Variants in KCNT2 observed in about 807,000 individuals in gnomAD.
KCNT2 encodes the protein potassium channel subfamily T member 2.
KCNT2 carries 67 observed loss-of-function variants against 153.8 expected under a neutral mutation model. That is an observed-to-expected ratio of 0.44 (90% confidence interval 0.36 to 0.53). The LOEUF (loss-of-function observed/expected upper bound fraction) is 0.53, where lower values mean the gene tolerates loss of function less well. Ranked by LOEUF, KCNT2 falls within the 20% of genes least tolerant of loss-of-function variation. KCNT2 has a pLI of 0.00. For synonymous variants in KCNT2, 500 were observed against 458.8 expected (o/e 1.09, Z -1.15); for missense variants, 975 against 1,354.8 (o/e 0.72, Z 4.40).
chr1:196,325,152 GT>G (rs1289723329), intron 19 of KCNT2, among the ~76,000 whole-genome samples: 1 of 152,054 alleles, frequency 6.6e-6, no homozygotes, highest in African/African-American at 2.4e-5. Flanking sequence ...TGGTAGGGAG[GT>G]TTACACATCA....
At chr1:196,245,838 CCT>C (rs1339201188) in intron 26 of KCNT2, among the ~76,000 whole-genome samples, 1 of 152,038 alleles carries the variant, frequency 6.6e-6, no homozygotes, top group Non-Finnish European at 1.5e-5. Context: ...ATGAAGCATG[CCT>C]ACAGAATCTA....
chr1:196,414,523 T>C (rs1361284179), intron 12 of KCNT2, among the ~76,000 whole-genome samples: 3 of 151,892 alleles, frequency 2.0e-5, no homozygotes, highest in African/African-American at 4.8e-5. Flanking sequence ...GTAATTGACC[T>C]GATATTTTGT....
At chr1:196,429,976 A>G (rs1347486420) in intron 8 of KCNT2, among the ~76,000 whole-genome samples, 1 of 152,138 alleles carries the variant, frequency 6.6e-6, no homozygotes, top group East Asian at 1.9e-4. Flanking sequence ...AGTGGTAGCT[A>G]AAATATCACA....
intron 13 of KCNT2, among the ~76,000 whole-genome samples, chr1:196,394,135 A>T (rs1368250463): frequency 6.6e-6 from 1 of 151,570 alleles, no homozygotes; most frequent in Non-Finnish European, 1.5e-5. Context: ...GTGAGAGGGT[A>T]TTGGAATTTG....
intron 14 of KCNT2, among the ~76,000 whole-genome samples, chr1:196,355,106 T>C (rs115944391): frequency 0.011 from 1,713 of 151,590 alleles, 14 homozygotes; most frequent in Non-Finnish European, 0.018. Context: ...AGCTAACACA[T>C]AACTATGTAT....
At chr1:196,413,705 C>A (rs563582595) in intron 12 of KCNT2, among the ~76,000 whole-genome samples, 20 of 151,662 alleles carry the variant, frequency 1.3e-4, no homozygotes, top group African/African-American at 2.7e-4. Context: ...TAATTTTGGC[C>A]ATTCACAGAA....
At chr1:196,251,005 C>G (rs543562373) in intron 26 of KCNT2, among the ~76,000 whole-genome samples, 1 of 152,182 alleles carries the variant, frequency 6.6e-6, no homozygotes, top group South Asian at 2.1e-4. Flanking sequence ...AAAGGGAACC[C>G]TTGTACACTG....
chr1:196,513,193 G>A (rs1429211138), intron 1 of KCNT2, among the ~76,000 whole-genome samples: 2 of 152,140 alleles, frequency 1.3e-5, no homozygotes, highest in East Asian at 1.9e-4. Flanking sequence ...CTCCACTGAC[G>A]AGATACTTAG....
chr1:196,421,224 T>G (rs571133762), intron 12 of KCNT2, among the ~76,000 whole-genome samples: 2 of 152,024 alleles, frequency 1.3e-5, no homozygotes, highest in Admixed American at 6.6e-5. Context: ...CTTACTCATT[T>G]CTTCCAATTT....
In KCNT2 at chr1:196,438,117, T is replaced by G. The variant is rs1273332597; in HGVS notation, c.639-8360A>C. ...GAGAAATAAATGAGCTAATGCTCTG[T>G]GAAATGTCTGGGATAGAATAAGGTT... is the stretch of plus-strand genomic sequence containing the variant. On this transcript the variant is annotated intron_variant, in intron 8 of 27. Coordinates refer to ENST00000294725, the MANE Select transcript of KCNT2 (RefSeq NM_198503.5). Among the ~76,000 whole-genome samples, 6 of 151,722 alleles carry G rather than the reference T, an allele frequency of 4.0e-5. No individual in the cohort carries two copies. In the South Asian group the frequency reaches 1.2e-3, roughly 31 times the overall value.
At chr1:196,367,035 C>T (rs1241320545) in intron 14 of KCNT2, among the ~76,000 whole-genome samples, 1 of 152,126 alleles carries the variant, frequency 6.6e-6, no homozygotes, top group Non-Finnish European at 1.5e-5. Context: ...GCCACATTTC[C>T]TTCCTGAATT....
At position 196,433,106 on chromosome 1, in the gene KCNT2, G is replaced by GT. The variant is rs745725805; in HGVS notation, c.639-3350_639-3349insA. Among the ~76,000 whole-genome samples, 115 of 152,052 alleles carry GT rather than the reference G, an allele frequency of 7.6e-4. 1 individual carries two copies. The highest frequency in any genetic ancestry group is 2.8e-4 in the Non-Finnish European group (19 of 68,000). On this transcript the variant is annotated intron_variant, in intron 8 of 27. Coordinates refer to ENST00000294725, the MANE Select transcript of KCNT2 (RefSeq NM_198503.5). ...TTTTGCCCTTCTGCCTTGGGAGGAT[G>GT]CAATAGTAAAGCCCCATCTTGAAAG...
intron 8 of KCNT2, among the ~76,000 whole-genome samples, chr1:196,464,635 C>T (rs1020236197): frequency 5.9e-5 from 9 of 151,788 alleles, no homozygotes; most frequent in African/African-American, 1.7e-4. Flanking sequence ...TATTATTCTA[C>T]CTCATTTTTT....
At chr1:196,368,296 T>A (rs993097896) in intron 14 of KCNT2, among the ~76,000 whole-genome samples, 4 of 152,166 alleles carry the variant, frequency 2.6e-5, no homozygotes, top group African/African-American at 9.7e-5. Flanking sequence ...CATCCTTTAC[T>A]CCCTCACTGC....
At chr1:196,418,619 C>A (rs1266405600) in intron 12 of KCNT2, among the ~76,000 whole-genome samples, 1 of 152,006 alleles carries the variant, frequency 6.6e-6, no homozygotes, top group East Asian at 1.9e-4. Context: ...GCCTCTTTAC[C>A]TGGTTACTTT....
intron 12 of KCNT2, chr1:196,404,146 G>A: frequency 1.0e-6 from 1 of 981,332 alleles, no homozygotes; most frequent in Non-Finnish European, 1.2e-6. Flanking sequence ...CATTTAGTGA[G>A]TTCTCAAATC....
intron 25 of KCNT2, among the ~76,000 whole-genome samples, chr1:196,265,113 A>G (rs749694617): frequency 6.6e-6 from 1 of 152,142 alleles, no homozygotes; most frequent in African/African-American, 2.4e-5. Context: ...TCTCAACAGG[A>G]CTGGATTTGG....
At chr1:196,502,855 T>G (rs942360633) in intron 1 of KCNT2, among the ~76,000 whole-genome samples, 1 of 152,164 alleles carries the variant, frequency 6.6e-6, no homozygotes, top group Non-Finnish European at 1.5e-5. Flanking sequence ...TTGATTTAAA[T>G]GTAAGCATGA....
chr1:196,436,073 G>A (rs1432346401), intron 8 of KCNT2, among the ~76,000 whole-genome samples: 1 of 151,440 alleles, frequency 6.6e-6, no homozygotes, highest in Non-Finnish European at 1.5e-5. Context: ...ATGATACTAA[G>A]ACATGGAGAA....
Sources: allele counts gnomAD v4.1 joint callset (sites outside exome capture counted in the v4.1 genomes callset), GRCh38; gene constraint gnomAD v4.1.1; transcripts MANE v1.5; gene names NCBI Gene and HGNC (gene_info 2026-07-23, HGNC 2026-07-21).